Variants in CLHC1 observed in about 807,000 individuals in gnomAD.
The protein encoded by CLHC1 is clathrin heavy chain linker domain containing 1, also known as clathrin heavy chain linker domain-containing protein 1.
A neutral mutation model predicts 69.5 loss-of-function variants in CLHC1; 72 were observed. The ratio of observed to expected loss-of-function variants is 1.04; its 90% CI spans 0.86 to 1.26. The LOEUF is 1.26. CLHC1 is among the 50% of genes most tolerant of loss of function. CLHC1 has a pLI of 0.00. For synonymous variants in CLHC1, 223 were observed against 224.3 expected (o/e 0.99, Z 0.05); for missense variants, 790 against 679.3 (o/e 1.16, Z -1.81).
At chr2:55,217,570 T>A (rs868137761) in intron 4 of CLHC1, among the ~76,000 whole-genome samples, 4 of 115,224 alleles carry the variant, frequency 3.5e-5, no homozygotes, top group Non-Finnish European at 5.1e-5. Flanking sequence ...TATATATATA[T>A]ATATATATAT....
chr2:55,192,634 A>G (rs1265330472), intron 9 of CLHC1, among the ~76,000 whole-genome samples: 1 of 152,196 alleles, frequency 6.6e-6, no homozygotes, highest in Non-Finnish European at 1.5e-5. Context: ...GTGGACATCT[A>G]GAGCAATGGG....
At chr2:55,200,120 A>G (rs771787053) in intron 9 of CLHC1, among the ~76,000 whole-genome samples, 1 of 150,376 alleles carries the variant, frequency 6.6e-6, no homozygotes, top group East Asian at 2.0e-4. Flanking sequence ...GCTACTTGAC[A>G]GGGTGAGTGA....
At chr2:55,224,239 G>A (rs981522325) in intron 2 of CLHC1, 5 of 322,148 alleles carry the variant, frequency 1.6e-5, no homozygotes, top group Admixed American at 1.4e-4. Flanking sequence ...GGAGCCAGGG[G>A]CCAGCTGATA....
intron 9 of CLHC1, among the ~76,000 whole-genome samples, chr2:55,193,114 G>T (rs1671086502): frequency 6.6e-6 from 1 of 151,906 alleles, no homozygotes; most frequent in African/African-American, 2.4e-5. Flanking sequence ...GGCTAGTCTT[G>T]AACTCCTGAC....
chr2:55,176,265 G>A (rs915523782), intron 12 of CLHC1, among the ~76,000 whole-genome samples: 3 of 152,116 alleles, frequency 2.0e-5, no homozygotes, highest in African/African-American at 7.2e-5. Context: ...TCTCCTTCTT[G>A]TTAAGGCAGC....
intron 9 of CLHC1, among the ~76,000 whole-genome samples, chr2:55,194,134 T>A (rs1022550940): frequency 2.6e-5 from 4 of 152,164 alleles, no homozygotes; most frequent in Non-Finnish European, 5.9e-5. Flanking sequence ...GGCCAGGGAA[T>A]GAGGAGTTAA....
Position 55,213,972 on chromosome 2 carries a change from T to A in CLHC1, c.366-1166A>T, listed in dbSNP as rs371051943. On this transcript the variant is annotated intron_variant, in intron 4 of 12. Coordinates refer to ENST00000401408, the MANE Select transcript of CLHC1 (RefSeq NM_152385.4). ...ATAAATTGACCTAAGAGGATTCTAG[T>A]TGAAGGCAGGTCACAGTAACTAGGC... Among the ~76,000 whole-genome samples the A allele has an allele frequency of 8.1e-4, 124 of 152,154 alleles. 1 individual carries two copies. The highest frequency in any genetic ancestry group is 2.9e-3 in the African/African-American group (120 of 41,496).
rs924497558 is a variant in CLHC1, at chr2:55,174,122, C to T, written c.*1668G>A. On this transcript the variant is annotated 3_prime_UTR_variant, in exon 13 of 13. Coordinates refer to ENST00000401408, the MANE Select transcript of CLHC1 (RefSeq NM_152385.4). ...TCCATCCTTTATCTGCTCTTTTCAA[C>T]AGCCTGTATGAAGGCCAAAAATCAA... Among the ~76,000 whole-genome samples the T allele has an allele frequency of 1.3e-5, 2 of 151,948 alleles. No individual in the cohort carries two copies. The highest frequency in any genetic ancestry group is 4.8e-5 in the African/African-American group (2 of 41,370).
chr2:55,221,552 C>A (rs1460650391), intron 3 of CLHC1, among the ~76,000 whole-genome samples: 1 of 152,172 alleles, frequency 6.6e-6, no homozygotes, highest in Non-Finnish European at 1.5e-5. Context: ...ATACCACAAA[C>A]AAACTCAAAA....
intron 9 of CLHC1, among the ~76,000 whole-genome samples, chr2:55,204,504 T>C (rs1359424300): frequency 2.0e-5 from 3 of 152,220 alleles, no homozygotes; most frequent in African/African-American, 7.2e-5. Flanking sequence ...GGAACCCTTG[T>C]ACACTGTTGG....
chr2:55,217,992 C>G lies in CLHC1; in HGVS notation c.184G>C (p.Glu62Gln), dbSNP rs764570247. ...IYRNVFDKVI[E>Q]HITAYKSILT... ...ATGGATTTGTATGCAGTGATATGCT[C>G]TATTACCTGAAATATTATTTTTCTG... The change falls in exon 4 of 13, where the codon GAG becomes CAG. Residue 62 changes from glutamate to glutamine, a missense_variant. Coordinates refer to ENST00000401408, the MANE Select transcript of CLHC1 (RefSeq NM_152385.4). The G allele has an allele frequency of 1.4e-6, 2 of 1,451,356 alleles. No homozygotes were observed. The highest frequency in any genetic ancestry group is 2.5e-5 in the Admixed American group (1 of 40,096). 89.9% of individuals were successfully genotyped at this position (1,451,356 alleles called of 1,614,324 possible).
chr2:55,230,884 T>C (rs1291714175), intron 1 of CLHC1, among the ~76,000 whole-genome samples: 4 of 152,030 alleles, frequency 2.6e-5, no homozygotes, highest in Non-Finnish European at 5.9e-5. Flanking sequence ...AAGGGAAAGA[T>C]TAGAGACAAT....
At chr2:55,181,838 T>A in intron 9 of CLHC1, 94 bp from the exon 10 acceptor site, 1 of 918,482 alleles carries the variant, frequency 1.1e-6, no homozygotes, top group Non-Finnish European at 1.7e-6. Context: ...TTTGCTTTTC[T>A]AAAACTTTAA....
intron 1 of CLHC1, among the ~76,000 whole-genome samples, chr2:55,230,810 T>C (rs951345422): frequency 6.6e-6 from 1 of 152,198 alleles, no homozygotes; most frequent in African/African-American, 2.4e-5. Flanking sequence ...TAGTGACCAT[T>C]ACAAGAGCTA....
At chr2:55,207,561 G>A (rs1029430213) in intron 8 of CLHC1, among the ~76,000 whole-genome samples, 3 of 152,056 alleles carry the variant, frequency 2.0e-5, no homozygotes, top group South Asian at 2.1e-4. Context: ...ATTAACAGTT[G>A]AAAACTGTTT....
intron 9 of CLHC1, among the ~76,000 whole-genome samples, chr2:55,182,857 C>G (rs1670055866): frequency 6.6e-6 from 1 of 151,978 alleles, no homozygotes; most frequent in African/African-American, 2.4e-5. Context: ...CTGAGAGAGT[C>G]TTTGGGGGTA....
At chr2:55,189,419 T>C (rs1335752010) in intron 9 of CLHC1, among the ~76,000 whole-genome samples, 1 of 152,158 alleles carries the variant, frequency 6.6e-6, no homozygotes, top group Non-Finnish European at 1.5e-5. Flanking sequence ...CCAGATAAAA[T>C]ATATAAAATA....
At chr2:55,197,139 A>C (rs1489184007) in intron 9 of CLHC1, among the ~76,000 whole-genome samples, 1 of 152,070 alleles carries the variant, frequency 6.6e-6, no homozygotes, top group African/African-American at 2.4e-5. Flanking sequence ...AAAAAATAGG[A>C]AGGACTTTGT....
rs570997572 is a variant in CLHC1, at chr2:55,186,774, CA to C, written c.1007-5031del. Among the ~76,000 whole-genome samples, 398 of 150,734 alleles carry C rather than the reference CA, an allele frequency of 2.6e-3. 1 individual carries two copies. Among genetic ancestry groups the C allele is most frequent in the African/African-American group, 9.4e-3 (384 of 41,058 alleles). On this transcript the variant is annotated intron_variant, in intron 9 of 12. Coordinates refer to ENST00000401408, the MANE Select transcript of CLHC1 (RefSeq NM_152385.4). ...TGGATGACAGAGTGAGACCCTGTCTCAAAAAAAATTATATGTTTAAAATTAT... is the reference window on the plus strand; with the variant it reads ...TGGATGACAGAGTGAGACCCTGTCTCAAAAAAATTATATGTTTAAAATTAT...
Sources: allele counts gnomAD v4.1 joint callset (sites outside exome capture counted in the v4.1 genomes callset), GRCh38; gene constraint gnomAD v4.1.1; transcripts MANE v1.5; gene names NCBI Gene and HGNC (gene_info 2026-07-23, HGNC 2026-07-21).